SLC16A2: variants seen among roughly 807,000 people sequenced by gnomAD.
SLC16A2 encodes solute carrier family 16 member 2.
In SLC16A2, 3 loss-of-function variants were observed where a neutral mutation model predicts 27.2. The ratio of observed to expected loss-of-function variants is 0.11; its 90% CI spans 0.05 to 0.28. The LOEUF (loss-of-function observed/expected upper bound fraction) is 0.28. SLC16A2 is among the 10% of genes least tolerant of loss of function. SLC16A2 has a pLI of 1.00. For synonymous variants in SLC16A2, 202 were observed against 187.8 expected, an observed-to-expected ratio of 1.08 and a Z score of -0.62; for missense variants, 295 against 458.5, an observed-to-expected ratio of 0.64 and a Z score of 3.26.
At chrX:74,491,215 T>C (rs185729582) in intron 1 of SLC16A2, among the ~76,000 whole-genome samples, 1 of 112,516 alleles carries the variant, frequency 8.9e-6, no homozygotes, top group East Asian at 2.8e-4. Flanking sequence ...TTGTCCAAGA[T>C]GGTCTGGGTG....
intron 1 of SLC16A2, 76 bp downstream of exon 1, chrX:74,422,143 C>T (rs1452542640): frequency 2.0e-6 from 2 of 1,021,153 alleles, no homozygotes; most frequent in East Asian, 3.2e-5. Flanking sequence ...CCCATACCTC[C>T]CGGTCCGAGG....
At chrX:74,484,184 G>A (rs1250270876) in intron 1 of SLC16A2, among the ~76,000 whole-genome samples, 1 of 112,155 alleles carries the variant, frequency 8.9e-6, no homozygotes, top group Non-Finnish European at 1.9e-5. Context: ...CCATGACACA[G>A]CCCTCAGAAG....
At chrX:74,477,377 CTTT>C (rs1929504083) in intron 1 of SLC16A2, among the ~76,000 whole-genome samples, 1 of 111,051 alleles carries the variant, frequency 9.0e-6, no homozygotes, top group Non-Finnish European at 1.9e-5. Flanking sequence ...CTCTTTTCTT[CTTT>C]ATTAGTCTAG....
At chrX:74,451,187 T>C (rs1421891243) in intron 1 of SLC16A2, among the ~76,000 whole-genome samples, 1 of 112,476 alleles carries the variant, frequency 8.9e-6, no homozygotes, top group Admixed American at 9.4e-5. Flanking sequence ...TTCGTATGTG[T>C]TCTTTTAGTG....
intron 1 of SLC16A2, among the ~76,000 whole-genome samples, chrX:74,506,937 A>ATTTAT (rs1292176976): frequency 1.2e-5 from 1 of 84,051 alleles, no homozygotes; most frequent in African/African-American, 4.7e-5. Context: ...TTATTTATTT[A>ATTTAT]TTTTTTTTTT....
At chrX:74,422,665 CG>C (rs1279640436) in intron 1 of SLC16A2, among the ~76,000 whole-genome samples, 1 of 111,951 alleles carries the variant, frequency 8.9e-6, no homozygotes, top group Non-Finnish European at 1.9e-5. Flanking sequence ...GAGTTCGAGT[CG>C]GGGTGTGAGT....
At chrX:74,422,109 T>G in intron 1 of SLC16A2, 42 bp downstream of exon 1, 2 of 1,168,813 alleles carry the variant, frequency 1.7e-6, no homozygotes, top group Non-Finnish European at 2.3e-6. Context: ...TTGGGCAAGG[T>G]TGGCCGCTCC....
intron 1 of SLC16A2, among the ~76,000 whole-genome samples, chrX:74,458,658 T>C (rs1437277863): frequency 8.9e-6 from 1 of 111,932 alleles, no homozygotes; most frequent in Non-Finnish European, 1.9e-5. Context: ...AGATTTACAC[T>C]TAACAAATTT....
intron 1 of SLC16A2, among the ~76,000 whole-genome samples, chrX:74,432,150 G>A (rs1026807323): frequency 1.8e-5 from 2 of 111,416 alleles, no homozygotes; most frequent in Admixed American, 9.6e-5. Flanking sequence ...TACGGGTTGG[G>A]GGCAGATGGT....
chrX:74,491,097 T>G (rs1929817290), intron 1 of SLC16A2, among the ~76,000 whole-genome samples: 1 of 111,557 alleles, frequency 9.0e-6, no homozygotes, highest in Non-Finnish European at 1.9e-5. Flanking sequence ...GCAAAATTAT[T>G]GTCAATGAAA....
At chrX:74,468,819 T>C (rs1929300192) in intron 1 of SLC16A2, among the ~76,000 whole-genome samples, 1 of 112,309 alleles carries the variant, frequency 8.9e-6, no homozygotes, top group African/African-American at 3.2e-5. Context: ...ATCATTTCTT[T>C]ATGTTAAGAA....
At chrX:74,494,697 CT>C (rs1929902294) in intron 1 of SLC16A2, among the ~76,000 whole-genome samples, 1 of 111,264 alleles carries the variant, frequency 9.0e-6, no homozygotes, top group East Asian at 2.8e-4. Context: ...CCTGAGACCC[CT>C]GTGAGCTCCA....
intron 1 of SLC16A2, among the ~76,000 whole-genome samples, chrX:74,460,947 G>A (rs1000325630): frequency 5.4e-5 from 6 of 111,640 alleles, no homozygotes; most frequent in Admixed American, 2.9e-4. Flanking sequence ...CACTGTGCCC[G>A]GCCAACATTC....
chrX:74,504,079 T>C (rs1379397369), intron 1 of SLC16A2, among the ~76,000 whole-genome samples: 1 of 112,355 alleles, frequency 8.9e-6, no homozygotes, highest in Non-Finnish European at 1.9e-5. Context: ...AAAAGAAATA[T>C]GTGAGGAAGG....
At chrX:74,504,929 G>A (rs1247176682) in intron 1 of SLC16A2, among the ~76,000 whole-genome samples, 1 of 111,838 alleles carries the variant, frequency 8.9e-6, no homozygotes, top group Non-Finnish European at 1.9e-5. Context: ...GGTTGAGGCT[G>A]CAGTGAACTG....
At position 74,531,528 on chromosome X, in the gene SLC16A2, C is replaced by T; in HGVS notation, c.1595C>T (p.Ser532Phe). Reference protein sequence around the residue: ...PDPNGELLPGSPNPEEPI With the variant: ...PDPNGELLPGFPNPEEPI ...CCCAATGGGGAGCTACTGCCGGGCT[C>T]CCCCAACCCTGAGGAACCAATCTAA... Residue 532 changes from serine (S) to phenylalanine (F), a missense_variant, in exon 6 of 6, where the codon TCC becomes TTC. Ser to Phe is a radical substitution (Grantham distance 155). Around this residue, in one of 3 missense-constraint regions of SLC16A2, gnomAD observed 144 missense variants for 219.8 expected, o/e 0.66. Coordinates refer to ENST00000587091, the MANE Select transcript of SLC16A2 (RefSeq NM_006517.5). 8.3e-7 allele frequency: 1 copy of T among 1,208,449 alleles called. No homozygotes were observed. Among genetic ancestry groups the T allele is most frequent in the Non-Finnish European group, 1.1e-6 (1 of 893,287 alleles).
chrX:74,528,270 TG>T (rs1162842284), intron 4 of SLC16A2, among the ~76,000 whole-genome samples: 2 of 110,487 alleles, frequency 1.8e-5, no homozygotes, highest in African/African-American at 6.6e-5. Flanking sequence ...AGCAGCGGGA[TG>T]GGGGCAGGGT....
In SLC16A2 at chrX:74,463,721, G is replaced by C. The variant is rs12689221; in HGVS notation, c.430+41654G>C. 2.4e-4 allele frequency among the ~76,000 whole-genome samples: 27 copies of C among 111,383 alleles called. No individual in the cohort carries two copies. The East Asian group carries it at 7.7e-3, about 32-fold the overall frequency. ...TTTTTGTATTTTTAGTAGAGACAGG[G>C]TTTCACCGTATTAGCCAGGATGGTG... On this transcript the variant is annotated intron_variant, in intron 1 of 5. Transcript: ENST00000587091.
At chrX:74,466,207 T>C (rs764975861) in intron 1 of SLC16A2, among the ~76,000 whole-genome samples, 1 of 111,545 alleles carries the variant, frequency 9.0e-6, no homozygotes, top group Admixed American at 9.5e-5. Flanking sequence ...TTATTGTCTT[T>C]ATGAGCTTTT....
Sources: gnomAD v4.1 joint callset for allele counts (sites outside exome capture counted in the v4.1 genomes callset) on GRCh38, gnomAD v4.1.1 for gene constraint, gnomAD v4.1.1 regional missense constraint, MANE v1.5 for transcripts, NCBI Gene and HGNC (gene_info 2026-07-23, HGNC 2026-07-21) for gene names.